Variants in FGF14 observed in about 807,000 individuals in gnomAD.
The protein encoded by FGF14 is fibroblast growth factor homologous factor 4.
In FGF14, 5 loss-of-function variants were observed where a neutral mutation model predicts 25.5. That is an observed-to-expected ratio of 0.20 (90% CI 0.10 to 0.41). FGF14 has a LOEUF of 0.41. Among genes scored for constraint, FGF14 ranks in the 10% least tolerant of loss-of-function variants. The pLI, the probability that FGF14 is intolerant of heterozygous loss-of-function variation, is 1.00. For missense variants in FGF14, 222 were observed against 320.1 expected, an observed-to-expected ratio of 0.69 and a Z score of 2.34; for synonymous variants, 138 against 118.3, an observed-to-expected ratio of 1.17 and a Z score of -1.08.
chr13:101,779,399 A>G (rs958627501), intron 3 of FGF14, among the ~76,000 whole-genome samples: 5 of 152,212 alleles, frequency 3.3e-5, no homozygotes, highest in African/African-American at 1.2e-4. Context: ...TCAAAAACCA[A>G]CAGCAAACCT....
chr13:102,190,504 A>T (rs1280608540), intron 1 of FGF14, among the ~76,000 whole-genome samples: 4 of 152,158 alleles, frequency 2.6e-5, no homozygotes, highest in Non-Finnish European at 5.9e-5. Context: ...ACAACACAGA[A>T]GTATTGGACC....
chr13:102,061,427 G>C (rs956612118), intron 1 of FGF14, among the ~76,000 whole-genome samples: 1 of 152,174 alleles, frequency 6.6e-6, no homozygotes. Flanking sequence ...GAAGAAACGA[G>C]CCACAGCCCC....
At chr13:102,394,186 G>A (rs995886720) in intron 1 of FGF14, among the ~76,000 whole-genome samples, 2 of 152,260 alleles carry the variant, frequency 1.3e-5, no homozygotes, top group Non-Finnish European at 2.9e-5. Context: ...AGAATCACCA[G>A]CAACGCCAGC....
intron 1 of FGF14, among the ~76,000 whole-genome samples, chr13:101,880,444 G>A (rs959514519): frequency 6.6e-6 from 1 of 152,116 alleles, no homozygotes; most frequent in Admixed American, 6.6e-5. Context: ...GCACACGCTT[G>A]TAATCCCAGC....
chr13:102,359,458 A>C (rs545247769), intron 1 of FGF14, among the ~76,000 whole-genome samples: 7 of 152,326 alleles, frequency 4.6e-5, no homozygotes, highest in Non-Finnish European at 8.8e-5. Context: ...TTGATGATGT[A>C]ATCAAAATAC....
chr13:102,306,975 T>G (rs1156583669), intron 1 of FGF14, among the ~76,000 whole-genome samples: 1 of 151,762 alleles, frequency 6.6e-6, no homozygotes, highest in Admixed American at 6.6e-5. Flanking sequence ...ATGGAAAGAG[T>G]ATCCTGAATG....
At chr13:102,349,982 G>A (rs2057228394) in intron 1 of FGF14, among the ~76,000 whole-genome samples, 1 of 152,206 alleles carries the variant, frequency 6.6e-6, no homozygotes, top group Non-Finnish European at 1.5e-5. Context: ...ATGCTGCACT[G>A]TTTTCAAATA....
intron 1 of FGF14, among the ~76,000 whole-genome samples, chr13:101,946,893 T>C (rs548214381): frequency 1.2e-3 from 188 of 152,326 alleles, no homozygotes; most frequent in African/African-American, 4.1e-3. Flanking sequence ...TAATAGTTTT[T>C]ATAATATTGA....
chr13:102,377,322 G>A (rs2058063916), intron 1 of FGF14, among the ~76,000 whole-genome samples: 1 of 152,092 alleles, frequency 6.6e-6, no homozygotes, highest in Non-Finnish European at 1.5e-5. Flanking sequence ...GAATGGGAAT[G>A]ACCATAAAAT....
intron 3 of FGF14, among the ~76,000 whole-genome samples, chr13:101,860,497 A>G (rs2044359016): frequency 6.6e-6 from 1 of 152,130 alleles, no homozygotes; most frequent in African/African-American, 2.4e-5. Flanking sequence ...AGGCAGTTGA[A>G]AAGTCTGATT....
chr13:102,015,829 T>C (rs2040311304), intron 1 of FGF14, among the ~76,000 whole-genome samples: 2 of 152,192 alleles, frequency 1.3e-5, no homozygotes, highest in Non-Finnish European at 2.9e-5. Context: ...ACAATATGCA[T>C]TTCTCTCCCT....
chr13:101,897,786 C>T (rs561793493), intron 1 of FGF14, among the ~76,000 whole-genome samples: 2 of 152,268 alleles, frequency 1.3e-5, no homozygotes, highest in South Asian at 4.1e-4. Context: ...ATTTAAAAAT[C>T]TGAAATAAAA....
intron 1 of FGF14, among the ~76,000 whole-genome samples, chr13:101,931,029 T>C (rs180968246): frequency 1.3e-5 from 2 of 152,230 alleles, no homozygotes; most frequent in African/African-American, 4.8e-5. Flanking sequence ...TTTTCTAAAA[T>C]GTCCAGTCAT....
At chr13:102,274,698 A>T (rs1255110690) in intron 1 of FGF14, among the ~76,000 whole-genome samples, 1 of 152,082 alleles carries the variant, frequency 6.6e-6, no homozygotes, top group Non-Finnish European at 1.5e-5. Context: ...ACATACACAC[A>T]TACACATACA....
At chr13:102,350,928 C>T (rs898525744) in intron 1 of FGF14, among the ~76,000 whole-genome samples, 3 of 152,170 alleles carry the variant, frequency 2.0e-5, no homozygotes, top group Admixed American at 6.5e-5. Context: ...ACCTAACTTG[C>T]TTCAGGGAGC....
chr13:101,832,535 T>G (rs1484604273), intron 3 of FGF14, among the ~76,000 whole-genome samples: 1 of 152,016 alleles, frequency 6.6e-6, no homozygotes, highest in East Asian at 1.9e-4. Flanking sequence ...TCAGCTGGAC[T>G]TGATAGAGGA....
intron 1 of FGF14, among the ~76,000 whole-genome samples, chr13:102,087,892 T>C (rs1227257526): frequency 6.6e-6 from 1 of 152,146 alleles, no homozygotes; most frequent in Non-Finnish European, 1.5e-5. Flanking sequence ...AGTTAGGAAA[T>C]GAAAATTCCA....
intron 3 of FGF14, among the ~76,000 whole-genome samples, chr13:101,767,769 C>G (rs913402298): frequency 3.9e-5 from 6 of 152,062 alleles, no homozygotes; most frequent in African/African-American, 1.4e-4. Flanking sequence ...TCTCTGCTAC[C>G]CTGTTGGGAC....
At chr13:102,285,167 T>C (rs1408973086) in intron 1 of FGF14, among the ~76,000 whole-genome samples, 1 of 152,194 alleles carries the variant, frequency 6.6e-6, no homozygotes, top group East Asian at 1.9e-4. Context: ...CAAAGGATAA[T>C]ACTCATGAGT....
Sources: allele counts gnomAD v4.1 joint callset (sites outside exome capture counted in the v4.1 genomes callset), GRCh38; gene constraint gnomAD v4.1.1; transcripts MANE v1.5; gene names NCBI Gene and HGNC (gene_info 2026-07-23, HGNC 2026-07-21).